COA8: variants seen among roughly 807,000 people sequenced by gnomAD.
COA8 encodes the protein UPF0671 protein C14orf153.
COA8 carries 20 observed loss-of-function variants against 22.0 expected under a neutral mutation model. The ratio of observed to expected loss-of-function variants is 0.91; its 90% confidence interval spans 0.64 to 1.32. COA8 has a LOEUF of 1.32. Ranked by LOEUF, COA8 falls within the 40% of genes most tolerant of loss-of-function variation. COA8 has a pLI of 0.00. For missense variants in COA8, 266 were observed against 230.0 expected, an observed-to-expected ratio of 1.16 and a Z score of -1.01; for synonymous variants, 105 against 79.9, an observed-to-expected ratio of 1.31 and a Z score of -1.68.
chr14:103,565,404 C>T (rs1595134193), intron 1 of COA8, among the ~76,000 whole-genome samples: 1 of 152,140 alleles, frequency 6.6e-6, no homozygotes, highest in East Asian at 1.9e-4. Flanking sequence ...AAATTCTGTT[C>T]CCTAGCCACT....
chr14:103,590,344 T>G lies in COA8; in HGVS notation c.*58T>G. ...TCCACAGGAAGCAGATGGAGCTCCT[T>G]TCACAGGGGCTCTGAGAAAAACTGG... On this transcript the variant is annotated 3_prime_UTR_variant, in exon 5 of 5. Coordinates refer to ENST00000409074, the MANE Select transcript of COA8 (RefSeq NM_001370595.2). The G allele has an allele frequency of 6.9e-7, 1 of 1,454,026 alleles. No individual in the cohort carries two copies. Among genetic ancestry groups the G allele is most frequent in the Non-Finnish European group, 9.5e-7 (1 of 1,049,210 alleles). The allele number at this position is 1,454,026 out of a possible 1,614,324, so 90.1% of individuals were successfully genotyped here.
intron 1 of COA8, among the ~76,000 whole-genome samples, chr14:103,569,961 A>G (rs1393449671): frequency 6.6e-6 from 1 of 152,152 alleles, no homozygotes; most frequent in East Asian, 1.9e-4. Context: ...GGTTCAAGCA[A>G]TTCTCCTGGC....
Position 103,571,698 on chromosome 14 carries a change from C to A in COA8, c.199C>A (p.Pro67Thr). ...GPPDKYSNLR[P>T]VHFYIPENES... is the part of the protein sequence containing the mutation. ...CCCAGATAAATATTCAAACCTTCGA[C>A]CTGTTCACTTTTACATACCTGAAAA... Residue 67 changes from proline to threonine, a missense_variant, in exon 2 of 5, where the codon CCT (proline) becomes ACT (threonine). By Grantham distance (38) the Pro-to-Thr change is conservative. Transcript: ENST00000409074. 6.2e-7 allele frequency: 1 copy of A among 1,614,166 alleles called. No individual in the cohort carries two copies. The highest frequency in any genetic ancestry group is 8.5e-7 in the Non-Finnish European group (1 of 1,180,014).
intron 4 of COA8, 135 bp downstream of exon 4, chr14:103,587,499 T>C (rs1322747722): frequency 2.0e-6 from 1 of 505,276 alleles, no homozygotes; most frequent in Non-Finnish European, 3.4e-6. Context: ...CTTTTTTTTT[T>C]CTTTTTTTCT....
At position 103,571,604 on chromosome 14, in the gene COA8, C is replaced by G. The variant is rs1303828570; in HGVS notation, c.124-19C>G. On this transcript the variant is annotated intron_variant, in intron 1 of 4. Coordinates refer to ENST00000409074, the MANE Select transcript of COA8 (RefSeq NM_001370595.2). ...GAGATTCATTTTGTCATATGTTAAT[C>G]CAATTTACTTTGTTAAAGGTCTCAA... 1.3e-6 allele frequency: 2 copies of G among 1,593,998 alleles called. No individual in the cohort carries two copies. Among genetic ancestry groups the G allele is most frequent in the Admixed American group, 1.7e-5 (1 of 58,948 alleles).
At chr14:103,582,930 C>T (rs1423675860) in intron 3 of COA8, among the ~76,000 whole-genome samples, 3 of 152,044 alleles carry the variant, frequency 2.0e-5, no homozygotes, top group Non-Finnish European at 2.9e-5. Flanking sequence ...CACCTAACCC[C>T]GGCAGCCCAC....
rs1047052171 is a variant in COA8, at chr14:103,563,081, C to T, written c.80C>T (p.Ala27Val). Residue 27 changes from alanine to valine, a missense_variant, in exon 1 of 5, where the codon GCT (alanine) becomes GTT (valine). Ala to Val is a moderately conservative substitution (Grantham distance 64). Transcript: ENST00000409074. The part of the protein sequence containing the change: ...RAFACRGCQL[A>V]PERGAERRDT... Reference sequence around the variant, plus strand: ...TTCGCCTGCCGCGGCTGTCAACTCGCTCCGGAGCGCGGCGCCGAGCGCAGG... The same window carrying T: ...TTCGCCTGCCGCGGCTGTCAACTCGTTCCGGAGCGCGGCGCCGAGCGCAGG... 7.8e-6 allele frequency: 12 copies of T among 1,540,636 alleles called. No homozygotes were observed. The highest frequency in any genetic ancestry group is 5.8e-5 in the Admixed American group (3 of 51,528).
chr14:103,573,800 AC>A (rs1319254662), intron 2 of COA8, among the ~76,000 whole-genome samples: 1 of 151,790 alleles, frequency 6.6e-6, no homozygotes, highest in Non-Finnish European at 1.5e-5. Flanking sequence ...TGATCCACCC[AC>A]CTCGTCCTCC....
intron 3 of COA8, among the ~76,000 whole-genome samples, chr14:103,576,034 G>A (rs1003560222): frequency 1.5e-4 from 23 of 152,048 alleles, no homozygotes; most frequent in Non-Finnish European, 2.5e-4. Context: ...CAGGCCGGGC[G>A]CGGTGGTTCA....
At chr14:103,588,516 A>G (rs2076328148) in intron 4 of COA8, among the ~76,000 whole-genome samples, 2 of 151,984 alleles carry the variant, frequency 1.3e-5, no homozygotes, top group Admixed American at 6.6e-5. Flanking sequence ...CCAGAGTTAC[A>G]AAGCCTGATG....
chr14:103,578,024 C>CAAAAAAA (rs780479034), intron 3 of COA8, among the ~76,000 whole-genome samples: 2 of 49,124 alleles, frequency 4.1e-5, no homozygotes, highest in African/African-American at 8.2e-5. Context: ...AACTCCATCT[C>CAAAAAAA]AAAAAAAAAA....
chr14:103,580,334 A>C (rs2076258442), intron 3 of COA8, among the ~76,000 whole-genome samples: 1 of 151,984 alleles, frequency 6.6e-6, no homozygotes, highest in Non-Finnish European at 1.5e-5. Context: ...TTCGAGATGG[A>C]GTATCAATCT....
intron 3 of COA8, 182 bp downstream of exon 3, chr14:103,574,352 C>T (rs752447484): frequency 2.5e-5 from 20 of 807,710 alleles, no homozygotes; most frequent in Non-Finnish European, 3.6e-5. Context: ...AGGCATGGCT[C>T]TCCAATCTCA....
chr14:103,587,385 T>A (rs1366229698), intron 4 of COA8, 21 bp downstream of exon 4: 1 of 1,545,154 alleles, frequency 6.5e-7, no homozygotes, highest in Non-Finnish European at 8.9e-7. Context: ...ACTCTTTTCC[T>A]GAAAATTTGA....
chr14:103,563,481 T>TG (rs1491514438), intron 1 of COA8: 101 of 395,842 alleles, frequency 2.6e-4, no homozygotes, highest in Admixed American at 8.7e-4. Context: ...TGTGTGTGTG[T>TG]TTTGGCTTTG....
At chr14:103,564,571 CTTTTTTTTTTTTT>C (rs561702478) in intron 1 of COA8, among the ~76,000 whole-genome samples, 13 of 91,462 alleles carry the variant, frequency 1.4e-4, no homozygotes, top group African/African-American at 6.1e-4. Flanking sequence ...ATATACACTT[CTTTTTTTTTTTTT>C]TTTTTTTTTT....
chr14:103,572,416 G>A (rs1474063784), intron 2 of COA8, among the ~76,000 whole-genome samples: 4 of 152,180 alleles, frequency 2.6e-5, no homozygotes, highest in Non-Finnish European at 5.9e-5. Context: ...ACACATAGGT[G>A]TGTGTGTTTA....
rs2076186235 is a variant in COA8 at position 103,571,677 on chromosome 14, G to C, written c.178G>C (p.Asp60His). Residue 60 changes from aspartate to histidine, a missense_variant, in exon 2 of 5, where the codon GAT becomes CAT. By Grantham distance (81) the Asp-to-His change is moderately conservative. Transcript: ENST00000409074. ...TTGCCATGATTGGATAGGACCCCCA[G>C]ATAAATATTCAAACCTTCGACCTGT... ...KSCHDWIGPP[D>H]KYSNLRPVHF... The C allele has an allele frequency of 1.2e-6, 2 of 1,614,060 alleles. No individual in the cohort carries two copies. Among genetic ancestry groups the C allele is most frequent in the Non-Finnish European group, 1.7e-6 (2 of 1,180,050 alleles).
rs983170534 is a variant in COA8 at position 103,590,419 on chromosome 14, T to C, written c.*133T>C. On this transcript the variant is annotated 3_prime_UTR_variant, in exon 5 of 5. Coordinates refer to ENST00000409074, the MANE Select transcript of COA8 (RefSeq NM_001370595.2). ...CTTCCTAAGGGGCCCCATGGCCTGT[T>C]TGGGGGCAGGGTAGGTCCTGGGGCA... 6.3e-6 allele frequency: 5 copies of C among 799,038 alleles called. No individual in the cohort carries two copies. Among genetic ancestry groups the C allele is most frequent in the African/African-American group, 3.5e-5 (2 of 57,156 alleles). 49.5% of individuals were successfully genotyped at this position (799,038 alleles called of 1,614,324 possible). A position where few individuals can be genotyped will look rare whatever the true frequency, so the allele number is the denominator to read the frequency against.
Sources: gnomAD v4.1 joint callset for allele counts (sites outside exome capture counted in the v4.1 genomes callset) on GRCh38, gnomAD v4.1.1 for gene constraint, MANE v1.5 for transcripts, NCBI Gene and HGNC (gene_info 2026-07-23, HGNC 2026-07-21) for gene names.